Variants in KLHL29 observed in about 807,000 individuals in gnomAD.
The protein encoded by KLHL29 is kelch like family member 29, also known as kelch-like protein 29.
Under a neutral mutation model 80.4 loss-of-function variants are expected in KLHL29, and 21 were observed. The ratio of observed to expected loss-of-function variants is 0.26; its 90% CI spans 0.19 to 0.38. The LOEUF is 0.38. Among genes scored for constraint, KLHL29 ranks in the 10% least tolerant of loss-of-function variants. The pLI is 1.00. For missense variants in KLHL29, 867 were observed against 1,223.9 expected (o/e 0.71, Z 4.35); for synonymous variants, 511 against 526.8 (o/e 0.97, Z 0.41).
chr2:23,398,960 A>G lies in KLHL29; in HGVS notation c.-154+13180A>G, dbSNP rs762029356. 3.0e-4 allele frequency among the ~76,000 whole-genome samples: 45 copies of G among 152,316 alleles called. No individual in the cohort carries two copies. The Middle Eastern group carries it at 0.01, about 35-fold the overall frequency. ...CAACATGAATGGCTCCCAGTTTTTC[A>G]TCTGCACTGCCAAGACTGAGTGGTT... On this transcript the variant is annotated intron_variant, in intron 1 of 13. Coordinates refer to ENST00000486442, the MANE Select transcript of KLHL29 (RefSeq NM_052920.2).
At chr2:23,386,654 G>A (rs892921636) in intron 1 of KLHL29, among the ~76,000 whole-genome samples, 3 of 152,130 alleles carry the variant, frequency 2.0e-5, no homozygotes, top group Admixed American at 6.5e-5. Flanking sequence ...CTCGCGTCCC[G>A]GTCTCCGTGG....
intron 3 of KLHL29, among the ~76,000 whole-genome samples, chr2:23,603,380 T>C (rs751083605): frequency 6.6e-6 from 1 of 152,010 alleles, no homozygotes; most frequent in Non-Finnish European, 1.5e-5. Flanking sequence ...CAGTCAGGGC[T>C]CTGACAGCAG....
intron 3 of KLHL29, among the ~76,000 whole-genome samples, chr2:23,606,248 A>G (rs1264760069): frequency 2.6e-5 from 4 of 151,140 alleles, no homozygotes; most frequent in Admixed American, 2.0e-4. Context: ...AGAGGGAGGA[A>G]TGAAAAGAGA....
chr2:23,480,090 G>A (rs1664745051), intron 2 of KLHL29, among the ~76,000 whole-genome samples: 4 of 152,270 alleles, frequency 2.6e-5, no homozygotes, highest in Admixed American at 1.3e-4. Context: ...GAATAACCAC[G>A]GCCTTCCCAT....
chr2:23,652,854 T>C (rs147513972), intron 5 of KLHL29, among the ~76,000 whole-genome samples: 3 of 152,296 alleles, frequency 2.0e-5, no homozygotes, highest in African/African-American at 7.2e-5. Context: ...ACCTCCTCCT[T>C]TTTATCAGGA....
At chr2:23,483,394 A>G (rs1417159449) in intron 2 of KLHL29, among the ~76,000 whole-genome samples, 1 of 152,256 alleles carries the variant, frequency 6.6e-6, no homozygotes, top group Non-Finnish European at 1.5e-5. Context: ...AGGGAAACCT[A>G]AGAATTGGGA....
At chr2:23,704,523 T>C (rs929050245) in intron 13 of KLHL29, among the ~76,000 whole-genome samples, 2 of 152,142 alleles carry the variant, frequency 1.3e-5, no homozygotes, top group Non-Finnish European at 2.9e-5. Flanking sequence ...TCCCAGCACT[T>C]TGGGAGGCCG....
At chr2:23,464,199 T>C (rs965544761) in intron 1 of KLHL29, among the ~76,000 whole-genome samples, 3 of 152,204 alleles carry the variant, frequency 2.0e-5, no homozygotes, top group African/African-American at 7.2e-5. Flanking sequence ...TTGAATTCCA[T>C]CCAAGTAATC....
intron 1 of KLHL29, among the ~76,000 whole-genome samples, chr2:23,458,076 G>A (rs2103426265): frequency 1.3e-5 from 2 of 152,284 alleles, no homozygotes; most frequent in Non-Finnish European, 2.9e-5. Flanking sequence ...AAGCGTGAGG[G>A]TCAGCATGTC....
intron 1 of KLHL29, among the ~76,000 whole-genome samples, chr2:23,414,721 C>T (rs1351873166): frequency 6.6e-6 from 1 of 152,184 alleles, no homozygotes; most frequent in Non-Finnish European, 1.5e-5. Flanking sequence ...CATAGCATAG[C>T]CCCAAATGCC....
intron 2 of KLHL29, among the ~76,000 whole-genome samples, chr2:23,518,870 C>T (rs943035838): frequency 1.3e-5 from 2 of 152,198 alleles, no homozygotes; most frequent in Non-Finnish European, 2.9e-5. Context: ...GAGAGTGGCT[C>T]CAGATGTCCT....
intron 1 of KLHL29, among the ~76,000 whole-genome samples, chr2:23,473,976 C>T (rs1664564478): frequency 6.6e-6 from 1 of 152,160 alleles, no homozygotes; most frequent in Admixed American, 6.5e-5. Flanking sequence ...GCTCAAATGT[C>T]CTCCACTCAC....
intron 3 of KLHL29, among the ~76,000 whole-genome samples, chr2:23,634,856 GCATT>G (rs570276807): frequency 2.6e-5 from 4 of 152,160 alleles, no homozygotes; most frequent in African/African-American, 9.7e-5. Flanking sequence ...TCCACCCTGT[GCATT>G]CATTCATTCA....
chr2:23,589,616 CT>C (rs992556958), intron 3 of KLHL29, among the ~76,000 whole-genome samples: 1 of 152,252 alleles, frequency 6.6e-6, no homozygotes, highest in African/African-American at 2.4e-5. Flanking sequence ...CCTGCCACCC[CT>C]GTTGGCTAGA....
intron 2 of KLHL29, among the ~76,000 whole-genome samples, chr2:23,522,564 GA>G (rs1416188600): frequency 1.1e-3 from 150 of 142,350 alleles, no homozygotes; most frequent in Middle Eastern, 7.2e-3. Context: ...AATCTGATCA[GA>G]AAAAAAAAAA....
intron 1 of KLHL29, among the ~76,000 whole-genome samples, chr2:23,465,529 G>A (rs938461783): frequency 1.3e-5 from 2 of 152,280 alleles, no homozygotes; most frequent in Middle Eastern, 3.4e-3. Context: ...CACTCTGCAC[G>A]ACTCTCAGAG....
intron 1 of KLHL29, among the ~76,000 whole-genome samples, chr2:23,434,829 G>T (rs963467674): frequency 6.6e-6 from 1 of 152,176 alleles, no homozygotes; most frequent in Non-Finnish European, 1.5e-5. Flanking sequence ...GCTGTGAGCT[G>T]ATCACCCCTG....
intron 3 of KLHL29, among the ~76,000 whole-genome samples, chr2:23,571,950 A>G (rs1334844770): frequency 6.6e-6 from 1 of 152,212 alleles, no homozygotes; most frequent in East Asian, 1.9e-4. Context: ...CTCACCAGGC[A>G]TGTCAGTTTG....
intron 1 of KLHL29, among the ~76,000 whole-genome samples, chr2:23,427,082 G>T (rs1285493316): frequency 6.6e-6 from 1 of 152,144 alleles, no homozygotes; most frequent in Non-Finnish European, 1.5e-5. Flanking sequence ...CCGCTGCATG[G>T]TGCCTCTGAA....
Sources: gnomAD v4.1 joint callset for allele counts (sites outside exome capture counted in the v4.1 genomes callset) on GRCh38, gnomAD v4.1.1 for gene constraint, MANE v1.5 for transcripts, NCBI Gene and HGNC (gene_info 2026-07-23, HGNC 2026-07-21) for gene names.